The following DHX34 variants were observed in gnomAD, a reference collection of about 807,000 sequenced individuals.
DHX34 encodes the protein probable ATP-dependent RNA helicase DHX34.
A neutral mutation model predicts 111.1 loss-of-function variants in DHX34; 96 were observed. That is an observed-to-expected ratio of 0.86 (90% CI 0.73 to 1.02). DHX34 has a LOEUF of 1.02. Ranked by LOEUF, DHX34 falls within the 50% of genes least tolerant of loss-of-function variation. DHX34 has a pLI of 0.00. For missense variants in DHX34, 1,560 were observed against 1,579.9 expected, an observed-to-expected ratio of 0.99 and a Z score of 0.21; for synonymous variants, 688 against 670.4, an observed-to-expected ratio of 1.03 and a Z score of -0.41.
At chr19:47,374,559 T>G (rs568262305) in intron 9 of DHX34, among the ~76,000 whole-genome samples, 1 of 152,258 alleles carries the variant, frequency 6.6e-6, no homozygotes, top group East Asian at 1.9e-4. Context: ...TTTCCATGGT[T>G]GTATCCATGG....
chr19:47,362,322 A>G, intron 5 of DHX34, 154 bp from the exon 6 acceptor site: 1 of 979,210 alleles, frequency 1.0e-6, no homozygotes, highest in Non-Finnish European at 1.2e-6. Context: ...ATAAATGAAC[A>G]AAATGTCAGA....
rs1969414806 is a variant in DHX34, at chr19:47,355,125, C to G, written c.792C>G (p.Ile264Met). ...CAGTGGGGCTGCTCCTGCGACAAAT[C>G]CAGCGGGAACCCAGCCTGCCCCAGT... ...FLTVGLLLRQ[I>M]QREPSLPQYE... is the part of the protein sequence containing the mutation. The change falls in exon 3 of 17, where the codon ATC becomes ATG. Residue 264 changes from isoleucine to methionine, a missense_variant. By Grantham distance (10) the Ile-to-Met change is conservative. Transcript: ENST00000328771. 3 of 1,614,052 alleles carry G rather than the reference C, an allele frequency of 1.9e-6. No individual in the cohort carries two copies. The Admixed American group carries it at 5.0e-5, about 27-fold the overall frequency.
chr19:47,379,883 C>G lies in DHX34; in HGVS notation c.2880C>G (p.His960Gln). The G allele has an allele frequency of 6.2e-7, 1 of 1,613,452 alleles. No homozygotes were observed. The highest frequency in any genetic ancestry group is 8.5e-7 in the Non-Finnish European group (1 of 1,179,668). Reference protein sequence around the residue: ...WESALDRQLAHQAQQQLEEEE... With the variant: ...WESALDRQLAQQAQQQLEEEE... ...GTGCCCTGGACCGGCAGCTGGCGCACCAGGCCCAGCAGCAGCTGGAGGAGG... is the reference window on the plus strand; with the variant it reads ...GTGCCCTGGACCGGCAGCTGGCGCAGCAGGCCCAGCAGCAGCTGGAGGAGG... Residue 960 changes from histidine to glutamine, a missense_variant, in exon 14 of 17, where the codon CAC becomes CAG. Coordinates refer to ENST00000328771, the MANE Select transcript of DHX34 (RefSeq NM_014681.6).
Position 47,377,219 on chromosome 19 carries a change from C to G in DHX34, c.2706+13C>G. The G allele has an allele frequency of 1.2e-6, 2 of 1,606,326 alleles. No homozygotes were observed. Among genetic ancestry groups the G allele is most frequent in the Admixed American group, 1.7e-5 (1 of 59,012 alleles). ...CCCTGCCCTCCAGGTGGGCCTCTGC[C>G]CCACCCCGCCCCCATGCCCAGATAT... On this transcript the variant is annotated intron_variant, in intron 13 of 16. Transcript: ENST00000328771.
At position 47,372,793 on chromosome 19, in the gene DHX34, C is replaced by T. The variant is rs771218692; in HGVS notation, c.1832C>T (p.Ala611Val). The change falls in exon 8 of 17, where the codon GCA becomes GTA. Residue 611 changes from alanine (A) to valine (V), a missense_variant. By Grantham distance (64) the Ala-to-Val change is moderately conservative. Coordinates refer to ENST00000328771, the MANE Select transcript of DHX34 (RefSeq NM_014681.6). ...LVEPVLTIAAALSVQSPFTRS... is the reference protein window; with the variant it reads ...LVEPVLTIAAVLSVQSPFTRS... ...GAGCCTGTGCTCACCATCGCAGCCG[C>T]ACTTAGCGTCCAGTCGCCCTTCACC... The T allele has an allele frequency of 5.6e-6, 9 of 1,613,058 alleles. No homozygotes were observed. Among genetic ancestry groups the T allele is most frequent in the African/African-American group, 1.3e-5 (1 of 74,932 alleles).
chr19:47,377,299 C>T (rs1223282022), intron 13 of DHX34, 93 bp downstream of exon 13: 7 of 1,324,598 alleles, frequency 5.3e-6, no homozygotes, highest in Admixed American at 2.2e-5. Flanking sequence ...CTTGGAGGGG[C>T]CACCTGGCAC....
At chr19:47,372,463 A>T in intron 7 of DHX34, 1 of 365,402 alleles carries the variant, frequency 2.7e-6, no homozygotes, top group Non-Finnish European at 3.8e-6. Flanking sequence ...GTCAGCGCTT[A>T]GACAGTATCT....
chr19:47,373,010 C>T, intron 8 of DHX34, 87 bp downstream of exon 8: 2 of 1,440,100 alleles, frequency 1.4e-6, no homozygotes, highest in Non-Finnish European at 1.8e-6. Context: ...GTGTCCCACC[C>T]TCAGCCCCAC....
rs1970337231 is a variant in DHX34 at position 47,380,977 on chromosome 19, C to T, written c.3144C>T (p.Thr1048=). The T allele has an allele frequency of 6.3e-7, 1 of 1,582,246 alleles. No individual in the cohort carries two copies. Among genetic ancestry groups the T allele is most frequent in the Non-Finnish European group, 8.6e-7 (1 of 1,165,886 alleles). ...KGGYAVTDFL[T]YNCLTNDTDL... ...GCTACGCAGTCACTGACTTCCTCAC[C>T]TACAACTGCCTCACGGTAAGCATGA... The change falls in exon 15 of 17, where the codon ACC becomes ACT. Residue 1048 remains threonine, a synonymous_variant. Transcript: ENST00000328771.
chr19:47,358,918 C>A (rs578028233), intron 4 of DHX34, among the ~76,000 whole-genome samples: 1 of 152,120 alleles, frequency 6.6e-6, no homozygotes, highest in African/African-American at 2.4e-5. Flanking sequence ...GTCCGGCCTC[C>A]GTTAATTTTT....
chr19:47,365,434 T>G (rs890727265), intron 6 of DHX34, among the ~76,000 whole-genome samples: 2 of 152,000 alleles, frequency 1.3e-5, no homozygotes, highest in African/African-American at 4.8e-5. Flanking sequence ...GTAATTTTAG[T>G]AGAGAGGGAG....
chr19:47,382,095 C>G lies in DHX34; in HGVS notation c.3414C>G (p.His1138Gln), dbSNP rs1275150254. 5.6e-6 allele frequency: 9 copies of G among 1,614,060 alleles called. No individual in the cohort carries two copies. Among genetic ancestry groups the G allele is most frequent in the Non-Finnish European group, 7.6e-6 (9 of 1,180,010 alleles). The change falls in exon 17 of 17, where the codon CAC becomes CAG. Residue 1138 changes from histidine to glutamine, a missense_variant. Transcript: ENST00000328771. Reference sequence around the variant, plus strand: ...TTACACCCACAGAGGTGCTGCGCCACCGGAAGCAGCACGTGTGAGCTGGGC... The same window carrying G: ...TTACACCCACAGAGGTGCTGCGCCAGCGGAAGCAGCACGTGTGAGCTGGGC... ...FLFTPTEVLR[H>Q]RKQHV
At chr19:47,372,477 G>C (rs1434885986) in intron 7 of DHX34, 1 of 438,280 alleles carries the variant, frequency 2.3e-6, no homozygotes, top group Non-Finnish European at 3.0e-6. Flanking sequence ...AGTATCTCCT[G>C]TGTGTCCAAG....
rs760777111 is a variant in DHX34 at position 47,372,875 on chromosome 19, C to T, written c.1914C>T (p.Asp638=). 3 of 1,609,874 alleles carry T rather than the reference C, an allele frequency of 1.9e-6. No homozygotes were observed. The Admixed American group carries it at 5.0e-5, about 27-fold the overall frequency. ...CAAARRPLES[D]QGDPFTLFNV... ...CAGCACGGCGGCCGCTGGAGAGCGA[C>T]CAGGGTGACCCCTTCACGCTCTTCA... is the stretch of plus-strand genomic sequence containing the variant. The change falls in exon 8 of 17, where the codon GAC becomes GAT. Residue 638 remains aspartate, a synonymous_variant. Transcript: ENST00000328771.
At chr19:47,368,652 AC>A (rs1969873561) in intron 7 of DHX34, among the ~76,000 whole-genome samples, 1 of 144,486 alleles carries the variant, frequency 6.9e-6, no homozygotes, top group Admixed American at 6.8e-5. Flanking sequence ...ACACACACAC[AC>A]ACACACACAT....
intron 13 of DHX34, among the ~76,000 whole-genome samples, chr19:47,378,657 C>CT (rs1555735198): frequency 2.1e-5 from 3 of 145,374 alleles, no homozygotes; most frequent in Non-Finnish European, 4.7e-5. Context: ...TAGGGAGACT[C>CT]TATCTATCTC....
intron 3 of DHX34, among the ~76,000 whole-genome samples, chr19:47,357,345 A>G (rs1242674649): frequency 1.3e-5 from 2 of 152,204 alleles, no homozygotes; most frequent in African/African-American, 4.8e-5. Context: ...AGAAAAGTCA[A>G]ACATTGCCAG....
chr19:47,377,340 C>A, intron 13 of DHX34, 134 bp downstream of exon 13: 1 of 902,500 alleles, frequency 1.1e-6, no homozygotes, highest in Non-Finnish European at 1.6e-6. Flanking sequence ...AGCCTTGGGC[C>A]GTTGCTGTGG....
Position 47,375,672 on chromosome 19 carries a change from A to G in DHX34, c.2271A>G (p.Pro757=). 1 of 1,557,324 alleles carries G rather than the reference A, an allele frequency of 6.4e-7. No homozygotes were observed. The highest frequency in any genetic ancestry group is 8.7e-7 in the Non-Finnish European group (1 of 1,155,034). ...GGSSDEDRAG[P]APPGASDGVD... The stretch of plus-strand genomic sequence containing the variant: ...CCAGTGACGAGGACAGGGCTGGCCC[A>G]GCCCCCCCAGGGGCCAGTGATGGCG... Residue 757 remains proline, a synonymous_variant, in exon 10 of 17, where the codon CCA becomes CCG. Coordinates refer to ENST00000328771, the MANE Select transcript of DHX34 (RefSeq NM_014681.6).
Sources: allele counts gnomAD v4.1 joint callset (sites outside exome capture counted in the v4.1 genomes callset), GRCh38; gene constraint gnomAD v4.1.1; transcripts MANE v1.5; gene names NCBI Gene and HGNC (gene_info 2026-07-23, HGNC 2026-07-21).